The following SCAF4 variants were observed in gnomAD, a reference collection of about 807,000 sequenced individuals.
SCAF4 encodes SR-related CTD associated factor 4.
A neutral mutation model predicts 129.8 loss-of-function variants in SCAF4; 25 were observed. That is an observed-to-expected ratio of 0.19 (90% confidence interval 0.14 to 0.27). The LOEUF is 0.27. Among genes scored for constraint, SCAF4 ranks in the 10% least tolerant of loss-of-function variants. SCAF4 has a pLI of 1.00. For missense variants in SCAF4, 1,246 were observed against 1,457.1 expected, an observed-to-expected ratio of 0.86 and a Z score of 2.36; for synonymous variants, 551 against 497.7, an observed-to-expected ratio of 1.11 and a Z score of -1.43.
intron 6 of SCAF4, 88 bp downstream of exon 6, chr21:31,701,688 A>C: frequency 7.3e-7 from 1 of 1,370,308 alleles, no homozygotes; most frequent in Admixed American, 2.7e-5. Context: ...TTCTCCTTTC[A>C]ATGTGCTTAT....
Position 31,696,100 on chromosome 21 carries a change from A to T in SCAF4, c.1068+13T>A. Reference sequence around the variant, plus strand: ...ATAGATCTTTCTTTGAACTGCAAGAAAAATGCTTGTACCTGATGGTGCATT... The same window carrying T: ...ATAGATCTTTCTTTGAACTGCAAGATAAATGCTTGTACCTGATGGTGCATT... On this transcript the variant is annotated intron_variant, in intron 9 of 19. Transcript: ENST00000286835. 6.3e-7 allele frequency: 1 copy of T among 1,585,936 alleles called. No homozygotes were observed. Among genetic ancestry groups the T allele is most frequent in the Non-Finnish European group, 8.7e-7 (1 of 1,154,726 alleles).
chr21:31,688,776 CATTCTTG>C (rs2050190046), intron 15 of SCAF4, among the ~76,000 whole-genome samples: 1 of 152,210 alleles, frequency 6.6e-6, no homozygotes, highest in Non-Finnish European at 1.5e-5. Context: ...CCCAAGATCA[CATTCTTG>C]GTAAATGGCA....
intron 1 of SCAF4, among the ~76,000 whole-genome samples, chr21:31,710,526 G>C (rs1437486375): frequency 6.6e-6 from 1 of 152,114 alleles, no homozygotes; most frequent in Non-Finnish European, 1.5e-5. Flanking sequence ...TCCAGCCTGG[G>C]ATACAGACCG....
chr21:31,718,789 T>G (rs1376370184), intron 1 of SCAF4, among the ~76,000 whole-genome samples: 1 of 152,206 alleles, frequency 6.6e-6, no homozygotes, highest in Non-Finnish European at 1.5e-5. Flanking sequence ...ATATTCAAAT[T>G]CAAAATTTTC....
chr21:31,703,516 C>CTA (rs2050583227), intron 4 of SCAF4, among the ~76,000 whole-genome samples: 2 of 152,046 alleles, frequency 1.3e-5, no homozygotes, highest in African/African-American at 4.8e-5. Context: ...CTGGCAACCA[C>CTA]TATTAAACTC....
intron 1 of SCAF4, among the ~76,000 whole-genome samples, chr21:31,725,253 T>C (rs1036393921): frequency 2.0e-5 from 3 of 151,912 alleles, no homozygotes; most frequent in Non-Finnish European, 2.9e-5. Context: ...ACCCCAAACA[T>C]TAACACTACA....
intron 9 of SCAF4, 114 bp downstream of exon 9, chr21:31,695,999 A>C: frequency 3.4e-6 from 2 of 590,602 alleles, no homozygotes; most frequent in Non-Finnish European, 5.7e-6. Context: ...AGCTTTTATC[A>C]GAGATATAGT....
chr21:31,700,882 A>C (rs1268391444), intron 7 of SCAF4, 113 bp downstream of exon 7: 1 of 1,204,172 alleles, frequency 8.3e-7, no homozygotes. Flanking sequence ...AAAATCTCTC[A>C]AATTACAAAA....
rs1173334406 is a variant in SCAF4, at chr21:31,701,117, G to A, written c.655C>T (p.Leu219Phe). 6 of 1,611,706 alleles carry A rather than the reference G, an allele frequency of 3.7e-6. No individual in the cohort carries two copies. The highest frequency in any genetic ancestry group is 3.3e-5 in the South Asian group (3 of 90,808). Residue 219 changes from leucine (L) to phenylalanine (F), a missense_variant, in exon 7 of 20, where the codon CTT becomes TTT. By Grantham distance (22) the Leu-to-Phe change is conservative. Around this residue, in one of 6 missense-constraint regions of SCAF4, gnomAD observed 143 missense variants for 161.0 expected, o/e 0.89. Transcript: ENST00000286835. The part of the protein sequence containing the change: ...QQPPKPQSPA[L>F]DNAVMAQVQA... ...ACCTGAGCCATCACAGCATTGTCAA[G>A]GGCAGGAGACTGTGGTTTTGGAGGC...
intron 1 of SCAF4, among the ~76,000 whole-genome samples, chr21:31,720,072 A>G (rs554381321): frequency 6.6e-6 from 1 of 152,350 alleles, no homozygotes; most frequent in Non-Finnish European, 1.5e-5. Flanking sequence ...TTAGCAGTAC[A>G]GGTGCCATAC....
Position 31,731,845 on chromosome 21 carries a change from A to T in SCAF4, c.-153T>A. 2.4e-6 allele frequency: 2 copies of T among 848,768 alleles called. No individual in the cohort carries two copies. The highest frequency in any genetic ancestry group is 3.3e-6 in the Non-Finnish European group (2 of 602,786). 52.6% of individuals were successfully genotyped at this position (848,768 alleles called of 1,614,324 possible). On this transcript the variant is annotated 5_prime_UTR_variant, in exon 1 of 20. Transcript: ENST00000286835. ...CCCGGGCAGGAAGAGGCTGCGCCCGAAGCGGCGAGGCGGGCGGCCGAGGCA... is the reference window on the plus strand; with the variant it reads ...CCCGGGCAGGAAGAGGCTGCGCCCGTAGCGGCGAGGCGGGCGGCCGAGGCA...
chr21:31,731,836 C>A lies in SCAF4; in HGVS notation c.-144G>T. On this transcript the variant is annotated 5_prime_UTR_variant, in exon 1 of 20. Coordinates refer to ENST00000286835, the MANE Select transcript of SCAF4 (RefSeq NM_020706.2). The stretch of plus-strand genomic sequence containing the variant: ...AGTCCGAGGCCCGGGCAGGAAGAGG[C>A]TGCGCCCGAAGCGGCGAGGCGGGCG... 1 of 953,716 alleles carries A rather than the reference C, an allele frequency of 1.0e-6. No homozygotes were observed. The highest frequency in any genetic ancestry group is 2.2e-5 in the South Asian group (1 of 45,124). The allele number at this position is 953,716 out of a possible 1,614,324, so 59.1% of individuals were successfully genotyped here. A position where few individuals can be genotyped will look rare whatever the true frequency, so the allele number is the denominator to read the frequency against.
At chr21:31,689,929 C>CAT (rs1216933099) in intron 15 of SCAF4, among the ~76,000 whole-genome samples, 3 of 151,732 alleles carry the variant, frequency 2.0e-5, no homozygotes, top group African/African-American at 7.3e-5. Context: ...AGCAAGACTC[C>CAT]ATCTCAAAAC....
chr21:31,697,611 A>G (rs1034876214), intron 7 of SCAF4, among the ~76,000 whole-genome samples: 2 of 152,226 alleles, frequency 1.3e-5, no homozygotes, highest in Admixed American at 6.5e-5. Flanking sequence ...GCTTTCAATA[A>G]GCAATCTTTC....
chr21:31,688,433 A>AT lies in SCAF4; in HGVS notation c.1916dup (p.Asn639LysfsTer2). ...CAGCACCTCCATTTTGAGCAACTTCATTTTCAGGCTTCTTAGGAATTCCTT... is the reference window on the plus strand; with the variant it reads ...CAGCACCTCCATTTTGAGCAACTTCATTTTTCAGGCTTCTTAGGAATTCCTT... On this transcript the variant is annotated frameshift_variant, in exon 16 of 20. Transcript: ENST00000286835. LOFTEE classifies it high-confidence loss of function. The AT allele has an allele frequency of 6.2e-7, 1 of 1,614,016 alleles. No homozygotes were observed. Among genetic ancestry groups the AT allele is most frequent in the Non-Finnish European group, 8.5e-7 (1 of 1,179,982 alleles).
At chr21:31,691,732 G>T in intron 14 of SCAF4, 85 bp downstream of exon 14, 3 of 452,262 alleles carry the variant, frequency 6.6e-6, no homozygotes, top group African/African-American at 2.1e-5. Context: ...TCATTTCGAA[G>T]ACCCAAATTA....
At chr21:31,706,724 A>G in intron 1 of SCAF4, 1 of 230,814 alleles carries the variant, frequency 4.3e-6, no homozygotes, top group Non-Finnish European at 8.7e-6. Flanking sequence ...ATGTGCAAAC[A>G]AAAGGGAAAG....
intron 15 of SCAF4, 32 bp from the exon 16 acceptor site, chr21:31,688,496 T>G: frequency 6.4e-7 from 1 of 1,567,226 alleles, no homozygotes; most frequent in Non-Finnish European, 8.8e-7. Context: ...AACAAGAGTT[T>G]ACCATTTTCA....
At chr21:31,704,157 T>G (rs1473303210) in intron 3 of SCAF4, among the ~76,000 whole-genome samples, 1 of 152,092 alleles carries the variant, frequency 6.6e-6, no homozygotes, top group Admixed American at 6.5e-5. Flanking sequence ...TCTTCTTTGA[T>G]TTCTCTACTT....
Sources: gnomAD v4.1 joint callset for allele counts (sites outside exome capture counted in the v4.1 genomes callset) on GRCh38, gnomAD v4.1.1 for gene constraint, gnomAD v4.1.1 regional missense constraint, MANE v1.5 for transcripts, NCBI Gene and HGNC (gene_info 2026-07-23, HGNC 2026-07-21) for gene names.